Variants in KCNMB2 observed in about 807,000 individuals in gnomAD.
KCNMB2 encodes the protein potassium calcium-activated channel subfamily M regulatory beta subunit 2, also known as calcium-activated potassium channel subunit beta-2.
KCNMB2 carries 9 observed loss-of-function variants against 24.5 expected under a neutral mutation model. The ratio of observed to expected loss-of-function variants is 0.37; its 90% CI spans 0.22 to 0.64. KCNMB2 has a LOEUF of 0.64. KCNMB2 is among the 30% of genes least tolerant of loss of function. The pLI, the probability that KCNMB2 is intolerant of heterozygous loss-of-function variation, is 0.63. For synonymous variants in KCNMB2, 109 were observed against 104.4 expected (o/e 1.04, Z -0.27); for missense variants, 226 against 284.3 (o/e 0.79, Z 1.47).
intron 1 of KCNMB2, among the ~76,000 whole-genome samples, chr3:178,631,517 T>C (rs182228210): frequency 6.6e-6 from 1 of 152,340 alleles, no homozygotes; most frequent in Non-Finnish European, 1.5e-5. Flanking sequence ...TTGCTGCCCA[T>C]GGTTAGGCCC....
intron 1 of KCNMB2, among the ~76,000 whole-genome samples, chr3:178,659,298 T>G (rs1720446878): frequency 1.3e-5 from 2 of 152,222 alleles, no homozygotes; most frequent in African/African-American, 4.8e-5. Context: ...AGACAAAACA[T>G]TTGTGAAGAA....
At chr3:178,543,359 G>T (rs1348127879) in intron 1 of KCNMB2, among the ~76,000 whole-genome samples, 1 of 152,198 alleles carries the variant, frequency 6.6e-6, no homozygotes, top group Non-Finnish European at 1.5e-5. Flanking sequence ...TCAGACTTCA[G>T]CTTCAACATG....
intron 1 of KCNMB2, among the ~76,000 whole-genome samples, chr3:178,689,477 T>C (rs935786832): frequency 1.3e-5 from 2 of 151,816 alleles, no homozygotes; most frequent in Admixed American, 1.3e-4. Flanking sequence ...CTACTAAAAA[T>C]ACAAAAAAGT....
intron 4 of KCNMB2, among the ~76,000 whole-genome samples, chr3:178,840,979 T>C (rs963779260): frequency 1.5e-4 from 23 of 152,342 alleles, no homozygotes; most frequent in African/African-American, 5.1e-4. Context: ...TTTTCCAAAT[T>C]TTTATGCTTT....
intron 1 of KCNMB2, among the ~76,000 whole-genome samples, chr3:178,713,688 C>G (rs1722525686): frequency 6.6e-6 from 1 of 152,158 alleles, no homozygotes; most frequent in Non-Finnish European, 1.5e-5. Context: ...TGCCCCAAGG[C>G]TCTCCATGGG....
intron 2 of KCNMB2, among the ~76,000 whole-genome samples, chr3:178,813,652 T>C (rs1714282906): frequency 6.6e-6 from 1 of 152,216 alleles, no homozygotes; most frequent in African/African-American, 2.4e-5. Context: ...GATAATATTG[T>C]AGAGCAAATC....
chr3:178,673,092 A>G (rs981742845), intron 1 of KCNMB2, among the ~76,000 whole-genome samples: 9 of 152,010 alleles, frequency 5.9e-5, no homozygotes, highest in Non-Finnish European at 1.2e-4. Context: ...TAAAGTGCAT[A>G]CCCAATTATT....
At chr3:178,628,497 G>C (rs1189913398) in intron 1 of KCNMB2, among the ~76,000 whole-genome samples, 4 of 152,158 alleles carry the variant, frequency 2.6e-5, no homozygotes, top group African/African-American at 9.6e-5. Context: ...TCTGAGATTA[G>C]AGAATGAGGT....
intron 1 of KCNMB2, among the ~76,000 whole-genome samples, chr3:178,716,448 T>C (rs1391043337): frequency 6.6e-6 from 1 of 151,212 alleles, no homozygotes; most frequent in Non-Finnish European, 1.5e-5. Flanking sequence ...TGCATTTTTT[T>C]TTTTTTTTTT....
At chr3:178,642,809 G>A (rs1719774670) in intron 1 of KCNMB2, among the ~76,000 whole-genome samples, 1 of 152,192 alleles carries the variant, frequency 6.6e-6, no homozygotes, top group African/African-American at 2.4e-5. Flanking sequence ...GGTCTTATTT[G>A]ATCTACTTCT....
chr3:178,679,040 GT>G (rs1308658664), intron 1 of KCNMB2, among the ~76,000 whole-genome samples: 16 of 115,628 alleles, frequency 1.4e-4, no homozygotes, highest in African/African-American at 5.3e-4. Flanking sequence ...TTGTTTGTTT[GT>G]TTTTTGTTTT....
chr3:178,669,866 G>A (rs1181859910), intron 1 of KCNMB2, among the ~76,000 whole-genome samples: 3 of 152,036 alleles, frequency 2.0e-5, no homozygotes, highest in Non-Finnish European at 2.9e-5. Context: ...GGGATCCCCT[G>A]TCCCAACAGT....
rs74974893 is a variant in KCNMB2, at chr3:178,619,241, T to C, written c.-68+82530T>C. On this transcript the variant is annotated intron_variant, in intron 1 of 4. Coordinates refer to ENST00000452583, the MANE Select transcript of KCNMB2 (RefSeq NM_181361.3). Reference sequence around the variant, plus strand: ...TACTATCTTTCCTTAGCTGCAGGTATGGCAGATATATTTAAAATAAGCAAC... The same window carrying C: ...TACTATCTTTCCTTAGCTGCAGGTACGGCAGATATATTTAAAATAAGCAAC... 5.0e-3 allele frequency among the ~76,000 whole-genome samples: 758 copies of C among 152,276 alleles called. 5 individuals carry two copies. Among genetic ancestry groups the C allele is most frequent in the African/African-American group, 0.017 (724 of 41,558 alleles).
At chr3:178,545,564 A>C (rs1406848188) in intron 1 of KCNMB2, among the ~76,000 whole-genome samples, 1 of 152,252 alleles carries the variant, frequency 6.6e-6, no homozygotes, top group African/African-American at 2.4e-5. Context: ...ATGCTGCATA[A>C]GGCACTTTAT....
intron 1 of KCNMB2, among the ~76,000 whole-genome samples, chr3:178,722,924 G>A (rs1234480874): frequency 1.3e-5 from 2 of 152,076 alleles, no homozygotes; most frequent in Non-Finnish European, 2.9e-5. Flanking sequence ...TTGCATTGGG[G>A]ATTAAATTAA....
intron 1 of KCNMB2, among the ~76,000 whole-genome samples, chr3:178,688,199 A>G (rs1721531622): frequency 6.6e-6 from 1 of 152,142 alleles, no homozygotes; most frequent in Admixed American, 6.6e-5. Flanking sequence ...TCAGGTGAAA[A>G]ATATTTTATA....
At chr3:178,561,548 G>C (rs1373602190) in intron 1 of KCNMB2, among the ~76,000 whole-genome samples, 1 of 152,192 alleles carries the variant, frequency 6.6e-6, no homozygotes, top group Non-Finnish European at 1.5e-5. Flanking sequence ...GGGAGGATCA[G>C]ATGAGATGAG....
chr3:178,748,117 T>C (rs1425783061), intron 1 of KCNMB2, among the ~76,000 whole-genome samples: 1 of 152,238 alleles, frequency 6.6e-6, no homozygotes, highest in African/African-American at 2.4e-5. Context: ...GTTCCATATT[T>C]TCTCTGGATA....
intron 1 of KCNMB2, among the ~76,000 whole-genome samples, chr3:178,705,797 C>T (rs533819514): frequency 1.2e-4 from 18 of 152,034 alleles, no homozygotes; most frequent in Non-Finnish European, 2.2e-4. Flanking sequence ...AAAGGAAATA[C>T]CAAAATTGGA....
Sources: allele counts gnomAD v4.1 joint callset (sites outside exome capture counted in the v4.1 genomes callset), GRCh38; gene constraint gnomAD v4.1.1; transcripts MANE v1.5; gene names NCBI Gene and HGNC (gene_info 2026-07-23, HGNC 2026-07-21).